The following CALN1 variants were observed in gnomAD, a reference collection of about 807,000 sequenced individuals.
The protein encoded by CALN1 is calneuron 1.
A neutral mutation model predicts 30.6 loss-of-function variants in CALN1; 17 were observed. That is an observed-to-expected ratio of 0.56 (90% confidence interval 0.38 to 0.83). The LOEUF (loss-of-function observed/expected upper bound fraction) is 0.83, where lower values mean the gene tolerates loss of function less well. Among genes scored for constraint, CALN1 ranks in the 40% least tolerant of loss-of-function variants. The pLI, the probability that CALN1 is intolerant of heterozygous loss-of-function variation, is 0.00. For synonymous variants in CALN1, 156 were observed against 131.4 expected, an observed-to-expected ratio of 1.19 and a Z score of -1.28; for missense variants, 291 against 354.9, an observed-to-expected ratio of 0.82 and a Z score of 1.45.
chr7:72,417,328 T>C (rs1042763907), upstream of CALN1, among the ~76,000 whole-genome samples: 2 of 152,088 alleles, frequency 1.3e-5, no homozygotes, highest in African/African-American at 4.8e-5. Context: ...CCATCCCAAA[T>C]GACACAAAGA....
the CALN1 span, among the ~76,000 whole-genome samples, chr7:72,453,725 G>C: frequency 6.6e-6 from 1 of 152,242 alleles, no homozygotes; most frequent in East Asian, 1.9e-4. Context: ...ATTTTCCTTG[G>C]AGATTCCAAA....
At chr7:72,269,014 C>G (rs1161157137) in intron 3 of CALN1, among the ~76,000 whole-genome samples, 1 of 152,068 alleles carries the variant, frequency 6.6e-6, no homozygotes, top group Non-Finnish European at 1.5e-5. Context: ...ATGACAAGCC[C>G]CATGCTCGCC....
chr7:72,112,576 T>C (rs576724484), intron 3 of CALN1, among the ~76,000 whole-genome samples: 2 of 152,290 alleles, frequency 1.3e-5, no homozygotes, highest in South Asian at 4.1e-4. Context: ...CTAGAGTTAT[T>C]TATGCAAAGG....
intron 3 of CALN1, among the ~76,000 whole-genome samples, chr7:72,259,796 CTTTCT>C (rs1002887462): frequency 2.6e-5 from 4 of 152,210 alleles, no homozygotes; most frequent in African/African-American, 9.7e-5. Flanking sequence ...AAGCCCTTTC[CTTTCT>C]TTTCCTTTCT....
intron 2 of CALN1, among the ~76,000 whole-genome samples, chr7:72,325,421 G>T (rs1196632346): frequency 1.3e-5 from 2 of 151,954 alleles, no homozygotes; most frequent in Admixed American, 1.3e-4. Context: ...GCCAACATAG[G>T]GAAACCCTGT....
intron 3 of CALN1, among the ~76,000 whole-genome samples, chr7:72,246,180 G>A (rs893970297): frequency 6.6e-6 from 1 of 152,130 alleles, no homozygotes; most frequent in African/African-American, 2.4e-5. Flanking sequence ...CTTATGCAAT[G>A]GGACCTCTGG....
rs1218289324 is a variant in CALN1 at position 72,054,530 on chromosome 7, T to G, written c.389-30761A>C. Among the ~76,000 whole-genome samples, 8 of 69,166 alleles carry G rather than the reference T, an allele frequency of 1.2e-4. 1 individual carries two copies. In the Admixed American group the frequency reaches 1.3e-3, roughly 11 times the overall value. The allele number at this position is 69,166 out of a possible 152,430, so 45.4% of individuals were successfully genotyped here. A position where few individuals can be genotyped will look rare whatever the true frequency, so the allele number is the denominator to read the frequency against. ...ATATACATATATATACATATATACA[T>G]ACATATATATATACATATATATATA... On this transcript the variant is annotated intron_variant, in intron 4 of 6. Transcript: ENST00000395275.
At chr7:71,848,355 C>A (rs1322744584) in intron 5 of CALN1, among the ~76,000 whole-genome samples, 1 of 152,066 alleles carries the variant, frequency 6.6e-6, no homozygotes, top group Non-Finnish European at 1.5e-5. Flanking sequence ...GTTCAAGAGC[C>A]AAGTTTGGAA....
At chr7:72,354,996 A>AC (rs1803146484) in intron 2 of CALN1, among the ~76,000 whole-genome samples, 3 of 149,742 alleles carry the variant, frequency 2.0e-5, no homozygotes, top group African/African-American at 7.4e-5. Context: ...TGCATCCTCC[A>AC]CCTCCCGGGC....
At chr7:72,216,977 C>G (rs904741532) in intron 3 of CALN1, among the ~76,000 whole-genome samples, 1 of 152,052 alleles carries the variant, frequency 6.6e-6, no homozygotes, top group Non-Finnish European at 1.5e-5. Context: ...CTCCTGGGCT[C>G]AAGTGATCCT....
the CALN1 span, among the ~76,000 whole-genome samples, chr7:72,491,757 T>C: frequency 6.6e-6 from 1 of 151,690 alleles, no homozygotes; most frequent in African/African-American, 2.4e-5. Context: ...ACTCATAGAG[T>C]AGAGAGGAAG....
chr7:72,367,109 TAAAA>T (rs34304187), intron 2 of CALN1, among the ~76,000 whole-genome samples: 3 of 151,356 alleles, frequency 2.0e-5, no homozygotes, highest in East Asian at 3.9e-4. Flanking sequence ...ATTTTAATAA[TAAAA>T]AAAAACAGGC....
rs114885176 is a variant in CALN1, at chr7:72,399,139, G to T, written c.119+4112C>A. Among the ~76,000 whole-genome samples the T allele has an allele frequency of 1.3e-3, 200 of 152,226 alleles. 3 individuals are homozygous for T. The highest frequency in any genetic ancestry group is 4.4e-3 in the African/African-American group (182 of 41,528). ...CTGACACCTTAGCAAAGACAGGAGC[G>T]GACAATCTAGGATCTTCTGCAGTAA... On this transcript the variant is annotated intron_variant, in intron 2 of 6. Coordinates refer to ENST00000395275, the MANE Select transcript of CALN1 (RefSeq NM_031468.4).
At chr7:72,071,884 A>G (rs886330748) in intron 4 of CALN1, among the ~76,000 whole-genome samples, 1 of 152,234 alleles carries the variant, frequency 6.6e-6, no homozygotes, top group African/African-American at 2.4e-5. Context: ...AAAGTCAAGA[A>G]AACAATGTTA....
intron 2 of CALN1, among the ~76,000 whole-genome samples, chr7:72,374,672 G>A (rs1804445061): frequency 6.6e-6 from 1 of 151,932 alleles, no homozygotes; most frequent in African/African-American, 2.4e-5. Context: ...AAAGATGAAT[G>A]CTTTACCCCT....
intron 5 of CALN1, among the ~76,000 whole-genome samples, chr7:71,834,348 T>TAA (rs60091117): frequency 0.011 from 1,014 of 89,804 alleles, 42 homozygotes; most frequent in African/African-American, 0.043. Flanking sequence ...CGATCCACCC[T>TAA]AAAAAAAAAA....
chr7:71,863,298 C>T (rs1372554564), intron 5 of CALN1, among the ~76,000 whole-genome samples: 1 of 151,854 alleles, frequency 6.6e-6, no homozygotes, highest in East Asian at 1.9e-4. Context: ...TGGCTCACAT[C>T]TGTAATCCCA....
At chr7:72,298,646 A>G (rs1358556647) in intron 2 of CALN1, among the ~76,000 whole-genome samples, 1 of 151,892 alleles carries the variant, frequency 6.6e-6, no homozygotes. Flanking sequence ...TAATCTGTAA[A>G]TCCCTGATAT....
At chr7:72,290,451 C>G (rs1354261879) in intron 2 of CALN1, among the ~76,000 whole-genome samples, 1 of 152,100 alleles carries the variant, frequency 6.6e-6, no homozygotes, top group African/African-American at 2.4e-5. Context: ...ACAGCAGTGG[C>G]AGCCTCAGTG....
Sources: allele counts gnomAD v4.1 joint callset (sites outside exome capture counted in the v4.1 genomes callset), GRCh38; gene constraint gnomAD v4.1.1; transcripts MANE v1.5; gene names NCBI Gene and HGNC (gene_info 2026-07-23, HGNC 2026-07-21).